Variants in KIF16B observed in about 807,000 individuals in gnomAD.
KIF16B encodes kinesin family member 16B, also known as kinesin-like protein KIF16B.
A neutral mutation model predicts 156.3 loss-of-function variants in KIF16B; 98 were observed. The observed-to-expected ratio is 0.63, with a 90% confidence interval of 0.53 to 0.74. KIF16B has a LOEUF of 0.74. Ranked by LOEUF, KIF16B falls within the 30% of genes least tolerant of loss-of-function variation. KIF16B has a pLI of 0.00. For synonymous variants in KIF16B, 564 were observed against 583.7 expected, an observed-to-expected ratio of 0.97 and a Z score of 0.49; for missense variants, 1,421 against 1,606.5, an observed-to-expected ratio of 0.88 and a Z score of 1.97.
At chr20:16,281,222 T>A (rs1370563505) in intron 25 of KIF16B, among the ~76,000 whole-genome samples, 3 of 152,214 alleles carry the variant, frequency 2.0e-5, no homozygotes, top group African/African-American at 7.2e-5. Context: ...AATGGAACTT[T>A]ATCCACCTTT....
intron 23 of KIF16B, among the ~76,000 whole-genome samples, chr20:16,349,475 C>T (rs943411370): frequency 1.3e-5 from 2 of 152,238 alleles, no homozygotes; most frequent in Admixed American, 6.5e-5. Flanking sequence ...TGCTGTTTTG[C>T]CCTACGAGTG....
intron 20 of KIF16B, 108 bp downstream of exon 20, chr20:16,374,149 T>C: frequency 9.0e-7 from 1 of 1,108,122 alleles, no homozygotes; most frequent in South Asian, 2.6e-5. Context: ...CGTGTATTAC[T>C]TGTTGCCCTT....
chr20:16,459,974 G>C (rs2067303779), intron 12 of KIF16B, among the ~76,000 whole-genome samples: 1 of 152,132 alleles, frequency 6.6e-6, no homozygotes, highest in African/African-American at 2.4e-5. Flanking sequence ...TAGTTTAAGA[G>C]AATAAGAGGA....
At chr20:16,424,920 T>C (rs2146402177) in intron 15 of KIF16B, among the ~76,000 whole-genome samples, 1 of 152,258 alleles carries the variant, frequency 6.6e-6, no homozygotes, top group Non-Finnish European at 1.5e-5. Flanking sequence ...ATTAGAAGTA[T>C]TAGTGTATTG....
chr20:16,371,589 CAAAAA>C (rs111754823), intron 21 of KIF16B, 71 bp downstream of exon 21: 111 of 624,316 alleles, frequency 1.8e-4, no homozygotes, highest in Middle Eastern at 3.8e-4. Flanking sequence ...GACTCAGTCT[CAAAAA>C]AAAAAAAAAA....
At chr20:16,520,408 G>T (rs1017011634) in intron 3 of KIF16B, among the ~76,000 whole-genome samples, 1 of 152,148 alleles carries the variant, frequency 6.6e-6, no homozygotes, top group African/African-American at 2.4e-5. Flanking sequence ...AAACAAAGCC[G>T]CCAGGAATTT....
intron 24 of KIF16B, among the ~76,000 whole-genome samples, chr20:16,329,029 CT>C (rs773592131): frequency 7.2e-5 from 11 of 152,070 alleles, no homozygotes; most frequent in Non-Finnish European, 1.5e-4. Context: ...AAAATAAAGT[CT>C]TTTTAAAAAA....
chr20:16,390,260 G>C (rs1344419542), intron 17 of KIF16B, among the ~76,000 whole-genome samples: 1 of 151,818 alleles, frequency 6.6e-6, no homozygotes, highest in African/African-American at 2.4e-5. Flanking sequence ...AGTGCCCTAA[G>C]AAAAAAGGAT....
At chr20:16,483,697 AGTGGT>A (rs1224761893) in intron 12 of KIF16B, among the ~76,000 whole-genome samples, 1 of 152,136 alleles carries the variant, frequency 6.6e-6, no homozygotes, top group African/African-American at 2.4e-5. Context: ...ACAGAAAGTG[AGTGGT>A]GACCAACGTC....
intron 12 of KIF16B, among the ~76,000 whole-genome samples, chr20:16,489,742 C>T (rs1168555054): frequency 2.1e-5 from 3 of 142,856 alleles, no homozygotes; most frequent in African/African-American, 3.0e-5. Context: ...GGTACAGACC[C>T]GTCCCCTGGG....
intron 12 of KIF16B, among the ~76,000 whole-genome samples, chr20:16,472,990 G>A (rs548728370): frequency 6.6e-6 from 1 of 152,234 alleles, no homozygotes; most frequent in East Asian, 1.9e-4. Context: ...TTTTCAGAAT[G>A]CCACTATCTT....
intron 14 of KIF16B, 71 bp downstream of exon 14, chr20:16,428,882 T>C: frequency 7.9e-7 from 1 of 1,259,944 alleles, no homozygotes; most frequent in Non-Finnish European, 1.2e-6. Flanking sequence ...ATGTCAGTCA[T>C]TCGAAAAAGT....
At chr20:16,388,357 G>A (rs1458452516) in intron 17 of KIF16B, among the ~76,000 whole-genome samples, 1 of 152,190 alleles carries the variant, frequency 6.6e-6, no homozygotes, top group Non-Finnish European at 1.5e-5. Flanking sequence ...AAACTCAGTA[G>A]AATGTAAAAT....
At chr20:16,342,901 T>C (rs16997526) in intron 23 of KIF16B, among the ~76,000 whole-genome samples, 11,377 of 152,198 alleles carry the variant, frequency 0.075, 541 homozygotes, top group South Asian at 0.14. Flanking sequence ...AAAGACTCCA[T>C]GCCCAGAGCT....
chr20:16,506,979 G>T (rs1409908394), intron 7 of KIF16B, among the ~76,000 whole-genome samples: 1 of 151,656 alleles, frequency 6.6e-6, no homozygotes, highest in Non-Finnish European at 1.5e-5. Context: ...GTTGTGCACT[G>T]CAGTCCCAGC....
intron 24 of KIF16B, among the ~76,000 whole-genome samples, chr20:16,328,178 C>T (rs1243841894): frequency 3.9e-5 from 6 of 152,186 alleles, no homozygotes; most frequent in Non-Finnish European, 7.3e-5. Context: ...CTAGTATTTA[C>T]TGGGTACCCA....
chr20:16,544,928 TTC>T (rs2147253623), intron 1 of KIF16B, among the ~76,000 whole-genome samples: 1 of 152,352 alleles, frequency 6.6e-6, no homozygotes, highest in South Asian at 2.1e-4. Flanking sequence ...CAAGATACTA[TTC>T]TTAAACTCGA....
intron 24 of KIF16B, among the ~76,000 whole-genome samples, chr20:16,319,338 T>C (rs969262291): frequency 2.6e-5 from 4 of 152,200 alleles, no homozygotes; most frequent in African/African-American, 9.6e-5. Context: ...ATATAAGAAC[T>C]CTGTACTATC....
intron 3 of KIF16B, among the ~76,000 whole-genome samples, chr20:16,518,814 C>A (rs895418665): frequency 6.6e-6 from 1 of 151,972 alleles, no homozygotes; most frequent in Non-Finnish European, 1.5e-5. Context: ...TCTCAATATG[C>A]CTTTACATTC....
Sources: allele counts gnomAD v4.1 joint callset (sites outside exome capture counted in the v4.1 genomes callset), GRCh38; gene constraint gnomAD v4.1.1; transcripts MANE v1.5; gene names NCBI Gene and HGNC (gene_info 2026-07-23, HGNC 2026-07-21).